The following SMIM43 variants were observed in gnomAD, a reference collection of about 807,000 sequenced individuals.
SMIM43 encodes small integral membrane protein 43, also known as Nodal Enhanced MEsendoderm Peptide.
intron 1 of SMIM43, chr4:121,764,585 G>C: frequency 3.8e-6 from 1 of 260,182 alleles, no homozygotes. Flanking sequence ...AGAGCTTGCA[G>C]TTGTCCAAAG....
At chr4:121,763,688 T>C (rs1377306393) in intron 2 of SMIM43, 76 bp downstream of exon 2, 2 of 152,154 alleles carry the variant, frequency 1.3e-5, no homozygotes, top group Non-Finnish European at 2.9e-5. Context: ...TGAACCAACA[T>C]GTTTTTAGGC....
chr4:121,763,991 G>C (rs547664854), intron 1 of SMIM43, 119 bp from the exon 2 acceptor site: 2 of 152,034 alleles, frequency 1.3e-5, no homozygotes. Flanking sequence ...GCTCCTGCCC[G>C]CCCATCTTCT....
intron 3 of SMIM43, 147 bp from the exon 4 acceptor site, chr4:121,762,039 G>T: frequency 6.0e-6 from 4 of 669,082 alleles, no homozygotes; most frequent in Non-Finnish European, 1.0e-5. Context: ...CCTTTTTATT[G>T]AAAATAAAAC....
chr4:121,762,615 T>C (rs1726129397), intron 3 of SMIM43, 112 bp downstream of exon 3: 1 of 152,160 alleles, frequency 6.6e-6, no homozygotes, highest in Non-Finnish European at 1.5e-5. Context: ...AAGGAGTTAA[T>C]AAAATGGCCC....
rs927464780 is a variant in SMIM43, at chr4:121,759,009, C to T, written c.*1965G>A. 2.6e-5 allele frequency: 4 copies of T among 152,070 alleles called. No homozygotes were observed. The highest frequency in any genetic ancestry group is 9.7e-5 in the African/African-American group (4 of 41,404). 9.4% of individuals were successfully genotyped at this position (152,070 alleles called of 1,614,324 possible). On this transcript the variant is annotated 3_prime_UTR_variant, in exon 6 of 6. Transcript: ENST00000643802. ...CACCTAATATTTTGAAAAACATACACAGAATAATCATTTAGCTGCCACAAT... is the reference window on the plus strand; with the variant it reads ...CACCTAATATTTTGAAAAACATACATAGAATAATCATTTAGCTGCCACAAT...
Position 121,760,220 on chromosome 4 carries a change from A to G in SMIM43, c.*754T>C. On this transcript the variant is annotated 3_prime_UTR_variant, in exon 6 of 6. Coordinates refer to ENST00000643802, the MANE Select transcript of SMIM43 (RefSeq NM_001384332.1). ...AGTTGTCCTCCCAAGATCCACCATC[A>G]TCTTCTTCTTCATCAAGAGAAACTG... 2 of 1,533,894 alleles carry G rather than the reference A, an allele frequency of 1.3e-6. No homozygotes were observed. Among genetic ancestry groups the G allele is most frequent in the Admixed American group, 4.2e-5 (2 of 47,822 alleles).
intron 3 of SMIM43, among the ~76,000 whole-genome samples, chr4:121,762,465 C>G (rs1470282123): frequency 2.6e-5 from 4 of 152,262 alleles, no homozygotes; most frequent in African/African-American, 9.6e-5. Context: ...AGATCAACAG[C>G]AGCAAGATCT....
chr4:121,761,302 T>C (rs190503054), intron 5 of SMIM43, among the ~76,000 whole-genome samples: 49 of 152,356 alleles, frequency 3.2e-4, no homozygotes, highest in African/African-American at 1.1e-3. Flanking sequence ...CAGCACTGTG[T>C]AGATACCTTA....
In SMIM43 at chr4:121,761,641, T is replaced by C; in HGVS notation, c.*396A>G. On this transcript the variant is annotated 3_prime_UTR_variant, in exon 5 of 6. Transcript: ENST00000643802. Reference sequence around the variant, plus strand: ...TGGCACACTCTGGGTAAATTTTCTCTCTTATTCTGTAGAATCGCACCAGAT... The same window carrying C: ...TGGCACACTCTGGGTAAATTTTCTCCCTTATTCTGTAGAATCGCACCAGAT... 6.2e-7 allele frequency: 1 copy of C among 1,613,924 alleles called. No homozygotes were observed. The highest frequency in any genetic ancestry group is 8.5e-7 in the Non-Finnish European group (1 of 1,179,928).
chr4:121,763,576 G>T (rs1726183662), intron 2 of SMIM43, among the ~76,000 whole-genome samples, 188 bp downstream of exon 2: 1 of 152,128 alleles, frequency 6.6e-6, no homozygotes, highest in African/African-American at 2.4e-5. Context: ...ACTGATTCTT[G>T]CAATGAGTTA....
rs557317662 is a variant in SMIM43, at chr4:121,760,771, T to C, written c.*500-297A>G. ...AATTCAAGTAACTTCAGAGTCATAC[T>C]AATAAAACAAAAGTCGCAGATAATG... is the stretch of plus-strand genomic sequence containing the variant. On this transcript the variant is annotated intron_variant, in intron 5 of 5. Coordinates refer to ENST00000643802, the MANE Select transcript of SMIM43 (RefSeq NM_001384332.1). Among the ~76,000 whole-genome samples the C allele has an allele frequency of 6.6e-5, 10 of 152,352 alleles. No homozygotes were observed. In the East Asian group the frequency reaches 1.9e-3, roughly 29 times the overall value.
rs765815874 is a variant in SMIM43 at position 121,760,298 on chromosome 4, A to T, written c.*676T>A. 1 of 1,597,262 alleles carries T rather than the reference A, an allele frequency of 6.3e-7. No individual in the cohort carries two copies. The highest frequency in any genetic ancestry group is 8.5e-7 in the Non-Finnish European group (1 of 1,175,000). Reference sequence around the variant, plus strand: ...CAGCTACAAAAACTACATTTCTCAGACAATCTTGCAGATAGCAGTAGCCAA... The same window carrying T: ...CAGCTACAAAAACTACATTTCTCAGTCAATCTTGCAGATAGCAGTAGCCAA... On this transcript the variant is annotated 3_prime_UTR_variant, in exon 6 of 6. Coordinates refer to ENST00000643802, the MANE Select transcript of SMIM43 (RefSeq NM_001384332.1).
chr4:121,765,199 C>T, upstream of SMIM43: 1 of 386,698 alleles, frequency 2.6e-6, no homozygotes, highest in Non-Finnish European at 4.6e-6. Context: ...TCCCGCACTC[C>T]CGCCCCTCGC....
chr4:121,760,576 T>C (rs1726007097), intron 5 of SMIM43, 102 bp from the exon 6 acceptor site: 6 of 1,406,588 alleles, frequency 4.3e-6, no homozygotes, highest in Non-Finnish European at 4.6e-6. Context: ...CTAACCTCCT[T>C]GTTCTGTGAG....
At position 121,759,444 on chromosome 4, in the gene SMIM43, C is replaced by T. The variant is rs1725936309; in HGVS notation, c.*1530G>A. 6.6e-6 allele frequency: 1 copy of T among 152,040 alleles called. No individual in the cohort carries two copies. The highest frequency in any genetic ancestry group is 6.6e-5 in the Admixed American group (1 of 15,264). The allele number at this position is 152,040 out of a possible 1,614,324, so 9.4% of individuals were successfully genotyped here. ...GCTATCTAACACAATAGCTAGTAGC[C>T]CCATTTGGCTATCTGAATTTAAATT... On this transcript the variant is annotated 3_prime_UTR_variant, in exon 6 of 6. Transcript: ENST00000643802.
At position 121,760,046 on chromosome 4, in the gene SMIM43, A is replaced by G; in HGVS notation, c.*928T>C. ...TCAGCCCTGTCAAGAGTTTTGTGAGAACACCTGACATGCCTTCACTCTGCT... is the reference window on the plus strand; with the variant it reads ...TCAGCCCTGTCAAGAGTTTTGTGAGGACACCTGACATGCCTTCACTCTGCT... On this transcript the variant is annotated 3_prime_UTR_variant, in exon 6 of 6. Transcript: ENST00000643802. 1 of 355,574 alleles carries G rather than the reference A, an allele frequency of 2.8e-6. No homozygotes were observed. The highest frequency in any genetic ancestry group is 4.8e-6 in the Non-Finnish European group (1 of 207,432). The allele number at this position is 355,574 out of a possible 1,614,324, so 22.0% of individuals were successfully genotyped here.
At chr4:121,762,994 A>C (rs923944593) in intron 2 of SMIM43, among the ~76,000 whole-genome samples, 196 bp from the exon 3 acceptor site, 1 of 152,264 alleles carries the variant, frequency 6.6e-6, no homozygotes, top group African/African-American at 2.4e-5. Flanking sequence ...CACTGCAGAG[A>C]TATCAACCAA....
Position 121,759,705 on chromosome 4 carries a change from A to G in SMIM43, c.*1269T>C, listed in dbSNP as rs1173639200. The stretch of plus-strand genomic sequence containing the variant: ...AGCTTTGAGAGGCAATTCTTCTCCC[A>G]GGATATTCCTAGACTGGTGGTGGAG... On this transcript the variant is annotated 3_prime_UTR_variant, in exon 6 of 6. Transcript: ENST00000643802. 1 of 152,236 alleles carries G rather than the reference A, an allele frequency of 6.6e-6. No homozygotes were observed. 9.4% of individuals were successfully genotyped at this position (152,236 alleles called of 1,614,324 possible).
Position 121,760,236 on chromosome 4 carries a change from A to G in SMIM43, c.*738T>C. 1 of 1,536,668 alleles carries G rather than the reference A, an allele frequency of 6.5e-7. No homozygotes were observed. Among genetic ancestry groups the G allele is most frequent in the South Asian group, 1.3e-5 (1 of 76,694 alleles). ...TCCACCATCATCTTCTTCTTCATCA[A>G]GAGAAACTGGATTTTTGTCAAAGGC... On this transcript the variant is annotated 3_prime_UTR_variant, in exon 6 of 6. Transcript: ENST00000643802.
Sources: gnomAD v4.1 joint callset for allele counts (sites outside exome capture counted in the v4.1 genomes callset) on GRCh38, gnomAD v4.1.1 for gene constraint, MANE v1.5 for transcripts, NCBI Gene and HGNC (gene_info 2026-07-23, HGNC 2026-07-21) for gene names.